SART3: variants seen among roughly 807,000 people sequenced by gnomAD.
The protein encoded by SART3 is HIV-1 Tat-interacting protein of 110kDa.
A neutral mutation model predicts 122.3 loss-of-function variants in SART3; 44 were observed. The ratio of observed to expected loss-of-function variants is 0.36; its 90% CI spans 0.28 to 0.46. The LOEUF (loss-of-function observed/expected upper bound fraction) is 0.46. Ranked by LOEUF, SART3 falls within the 20% of genes least tolerant of loss-of-function variation. SART3 has a pLI of 1.00. For synonymous variants in SART3, 442 were observed against 454.0 expected (o/e 0.97, Z 0.34); for missense variants, 1,101 against 1,229.0 (o/e 0.90, Z 1.56).
In SART3 at chr12:108,530,177, T is replaced by C. The variant is rs1872603085; in HGVS notation, c.1880A>G (p.Glu627Gly). The change falls in exon 15 of 19, where the codon GAG (glutamate) becomes GGG (glycine). Residue 627 changes from glutamate to glycine, a missense_variant. By Grantham distance (98) the Glu-to-Gly change is moderately conservative (BLOSUM62 -2). Transcript: ENST00000546815. ...IRGPEKRGAD[E>G]DDEKEWGDDE... ...ATCGCCCCACTCTTTCTCATCATCCTCATCTGCTCCGCGCTTCTCTGGGCC... is the reference window on the plus strand; with the variant it reads ...ATCGCCCCACTCTTTCTCATCATCCCCATCTGCTCCGCGCTTCTCTGGGCC... The C allele has an allele frequency of 6.2e-7, 1 of 1,614,106 alleles. No individual in the cohort carries two copies. The highest frequency in any genetic ancestry group is 1.1e-5 in the South Asian group (1 of 91,092).
chr12:108,555,353 T>C (rs2030171751), intron 1 of SART3, among the ~76,000 whole-genome samples: 1 of 152,146 alleles, frequency 6.6e-6, no homozygotes, highest in South Asian at 2.1e-4. Flanking sequence ...CAAAATGTTT[T>C]TAAACTTGAT....
intron 12 of SART3, among the ~76,000 whole-genome samples, chr12:108,534,748 T>A (rs567840475): frequency 6.6e-6 from 1 of 152,328 alleles, no homozygotes; most frequent in East Asian, 1.9e-4. Flanking sequence ...GGGCACACAG[T>A]GTTTTTTAAA....
intron 6 of SART3, 80 bp from the exon 7 acceptor site, chr12:108,539,169 A>T (rs1311935879): frequency 2.0e-5 from 30 of 1,486,636 alleles, no homozygotes; most frequent in Non-Finnish European, 2.7e-5. Context: ...AATTTTGGCA[A>T]AACTGGCTAC....
In SART3 at chr12:108,535,346, C is replaced by T. The variant is rs764100116; in HGVS notation, c.1556+13G>A. The T allele has an allele frequency of 1.4e-5, 22 of 1,608,712 alleles. No homozygotes were observed. The East Asian group carries it at 1.8e-4, about 13-fold the overall frequency. ...ACAAGCACTGCCTCCCTCCCCACCC[C>T]GAGATCAGTTACCTTTCCAGGTTGT... On this transcript the variant is annotated intron_variant, in intron 12 of 18. Transcript: ENST00000546815.
At chr12:108,542,824 A>T (rs891806848) in intron 6 of SART3, 1 of 714,332 alleles carries the variant, frequency 1.4e-6, no homozygotes, top group Non-Finnish European at 2.4e-6. Context: ...GAGACTTCTA[A>T]GGTACTGGCA....
Position 108,523,393 on chromosome 12 carries a change from T to C in SART3, c.*64A>G. The C allele has an allele frequency of 1.3e-6, 2 of 1,551,414 alleles. No homozygotes were observed. The highest frequency in any genetic ancestry group is 1.7e-5 in the Admixed American group (1 of 59,942). On this transcript the variant is annotated 3_prime_UTR_variant, in exon 19 of 19. Transcript: ENST00000546815. ...GGCCTGTCCATCCCCAGTGCACTGC[T>C]GGGTGGTGGGAGGTCCGCCGGGCCA...
intron 1 of SART3, among the ~76,000 whole-genome samples, chr12:108,555,926 T>C (rs1478101710): frequency 1.3e-5 from 2 of 152,050 alleles, no homozygotes; most frequent in African/African-American, 4.8e-5. Flanking sequence ...GCCTTAGCAA[T>C]AAGTTAATCA....
Position 108,552,957 on chromosome 12 carries a change from AATC to A in SART3, c.313-3746_313-3744del, listed in dbSNP as rs773354002. ...ATACTAAAACCTACAATACAGCTAC[AATC>A]ATCAAGGCAGTGTGAGAATGGCAGA... On this transcript the variant is annotated intron_variant, in intron 1 of 18. Transcript: ENST00000546815. Among the ~76,000 whole-genome samples the A allele has an allele frequency of 1.6e-3, 245 of 152,320 alleles. 3 individuals carry two copies. Among genetic ancestry groups the A allele is most frequent in the Non-Finnish European group, 4.6e-4 (31 of 68,012 alleles).
chr12:108,539,338 A>C (rs1295204472), intron 6 of SART3, among the ~76,000 whole-genome samples: 1 of 152,172 alleles, frequency 6.6e-6, no homozygotes, highest in Non-Finnish European at 1.5e-5. Context: ...CCATTCCTAG[A>C]CCACAGGGAA....
At chr12:108,555,600 G>A (rs770718540) in intron 1 of SART3, among the ~76,000 whole-genome samples, 1 of 152,238 alleles carries the variant, frequency 6.6e-6, no homozygotes. Context: ...AGCAGGCGGA[G>A]GTTGCAGTGT....
chr12:108,536,798 G>T lies in SART3; in HGVS notation c.1310-13C>A, dbSNP rs1872927098. 1 of 1,612,346 alleles carries T rather than the reference G, an allele frequency of 6.2e-7. No homozygotes were observed. The highest frequency in any genetic ancestry group is 1.3e-5 in the African/African-American group (1 of 74,862). On this transcript the variant is annotated splice_polypyrimidine_tract_variant and intron_variant, in intron 9 of 18. Transcript: ENST00000546815. ...TCTTTACTGGAGTCTAACGGAAAGT[G>T]CAAAAAAAGGCTTTAGGAAACCACA...
At chr12:108,549,355 G>T in intron 1 of SART3, 141 bp from the exon 2 acceptor site, 1 of 812,772 alleles carries the variant, frequency 1.2e-6, no homozygotes, top group Non-Finnish European at 2.0e-6. Flanking sequence ...CAGCAACCCA[G>T]CACGTACCCA....
At chr12:108,531,813 T>G (rs1347474746) in intron 13 of SART3, 6 of 319,684 alleles carry the variant, frequency 1.9e-5, no homozygotes, top group African/African-American at 1.3e-4. Flanking sequence ...GATGTTGTAC[T>G]AGAGCACAGT....
At chr12:108,524,295 G>A (rs1872265394) in intron 18 of SART3, 21 bp downstream of exon 18, 3 of 1,606,354 alleles carry the variant, frequency 1.9e-6, no homozygotes, top group Non-Finnish European at 2.6e-6. Flanking sequence ...GTTTGCACTA[G>A]TCTACCATGC....
intron 11 of SART3, 96 bp downstream of exon 11, chr12:108,536,418 C>T: frequency 8.4e-7 from 1 of 1,194,132 alleles, no homozygotes; most frequent in Non-Finnish European, 1.2e-6. Flanking sequence ...GAGCTTAGGC[C>T]ATTATCTGGG....
Position 108,560,894 on chromosome 12 carries a change from A to G in SART3, c.261T>C (p.Tyr87=), listed in dbSNP as rs1295617512. The G allele has an allele frequency of 1.9e-6, 3 of 1,611,370 alleles. No homozygotes were observed. The highest frequency in any genetic ancestry group is 1.3e-5 in the African/African-American group (1 of 74,916). ...GCTGGTTTTTCTCCTCCTCTTCGTC[A>G]TATTCCCACTCGTACTCCCCGGGGG... ...ESSPGEYEWE[Y]DEEEEKNQLE... is the part of the protein sequence containing the mutation. The change falls in exon 1 of 19, where the codon TAT becomes TAC. Residue 87 remains tyrosine (Y), a synonymous_variant. Coordinates refer to ENST00000546815, the MANE Select transcript of SART3 (RefSeq NM_014706.4).
At chr12:108,559,187 T>C (rs1457652482) in intron 1 of SART3, among the ~76,000 whole-genome samples, 3 of 150,952 alleles carry the variant, frequency 2.0e-5, no homozygotes, top group Admixed American at 1.3e-4. Context: ...CCAGAGAGAG[T>C]ATTATAAGGA....
At chr12:108,525,687 T>G (rs1009549726) in intron 16 of SART3, 78 bp from the exon 17 acceptor site, 1 of 1,473,308 alleles carries the variant, frequency 6.8e-7, no homozygotes, top group African/African-American at 1.4e-5. Flanking sequence ...GACACCAGCC[T>G]TGTCCCCATG....
chr12:108,536,380 T>C, intron 11 of SART3, 134 bp downstream of exon 11: 1 of 875,094 alleles, frequency 1.1e-6, no homozygotes, highest in Non-Finnish European at 1.9e-6. Context: ...CCTAGACCAT[T>C]ACCTAGGTAA....
Sources: allele counts gnomAD v4.1 joint callset (sites outside exome capture counted in the v4.1 genomes callset), GRCh38; gene constraint gnomAD v4.1.1; transcripts MANE v1.5; gene names NCBI Gene and HGNC (gene_info 2026-07-23, HGNC 2026-07-21).